Variants in KHDRBS2 observed in about 807,000 individuals in gnomAD.
The protein encoded by KHDRBS2 is KH domain-containing, RNA-binding, signal transduction-associated protein 2.
KHDRBS2 carries 26 observed loss-of-function variants against 44.3 expected under a neutral mutation model. That is an observed-to-expected ratio of 0.59 (90% confidence interval 0.43 to 0.81). The LOEUF (loss-of-function observed/expected upper bound fraction) is 0.81. KHDRBS2 is among the 40% of genes least tolerant of loss of function. The pLI is 0.00. For missense variants in KHDRBS2, 476 were observed against 433.1 expected, an observed-to-expected ratio of 1.10 and a Z score of -0.88; for synonymous variants, 194 against 151.1, an observed-to-expected ratio of 1.28 and a Z score of -2.08.
intron 1 of KHDRBS2, among the ~76,000 whole-genome samples, chr6:62,267,889 T>C (rs1323237916): frequency 6.6e-6 from 1 of 152,090 alleles, no homozygotes; most frequent in African/African-American, 2.4e-5. Context: ...TTAATGATAA[T>C]AAATTATTGT....
chr6:61,881,698 G>A (rs1271942043), intron 6 of KHDRBS2, among the ~76,000 whole-genome samples: 1 of 151,942 alleles, frequency 6.6e-6, no homozygotes, highest in African/African-American at 2.4e-5. Context: ...GACTTAATTT[G>A]TCTAGTTGGG....
At chr6:62,238,833 A>G (rs1329709257) in intron 1 of KHDRBS2, among the ~76,000 whole-genome samples, 3 of 152,136 alleles carry the variant, frequency 2.0e-5, no homozygotes, top group African/African-American at 7.2e-5. Context: ...CAAGTTAACA[A>G]ACTTAGCTGG....
chr6:61,805,479 T>C (rs1787002218), intron 6 of KHDRBS2, among the ~76,000 whole-genome samples: 1 of 152,176 alleles, frequency 6.6e-6, no homozygotes, highest in Non-Finnish European at 1.5e-5. Flanking sequence ...CACTTCCACA[T>C]TTCCAGATAT....
intron 1 of KHDRBS2, among the ~76,000 whole-genome samples, chr6:62,180,221 T>C (rs1821974163): frequency 6.6e-6 from 1 of 151,760 alleles, no homozygotes; most frequent in South Asian, 2.1e-4. Flanking sequence ...AGGGGAAAAA[T>C]AGGCATCCAA....
At chr6:62,076,555 C>T (rs2127350581) in intron 2 of KHDRBS2, among the ~76,000 whole-genome samples, 1 of 151,998 alleles carries the variant, frequency 6.6e-6, no homozygotes, top group Non-Finnish European at 1.5e-5. Flanking sequence ...ACTGTGAAGC[C>T]TTTTTGTCTA....
At chr6:62,100,392 A>G (rs1801586706) in intron 2 of KHDRBS2, among the ~76,000 whole-genome samples, 1 of 152,250 alleles carries the variant, frequency 6.6e-6, no homozygotes. Context: ...ACATAAATTT[A>G]GTTGATAAAG....
At chr6:61,769,075 G>A (rs1225421049) in intron 6 of KHDRBS2, among the ~76,000 whole-genome samples, 1 of 152,142 alleles carries the variant, frequency 6.6e-6, no homozygotes, top group Admixed American at 6.5e-5. Context: ...CAGATAAAGA[G>A]AATGGTCTTT....
intron 6 of KHDRBS2, among the ~76,000 whole-genome samples, chr6:61,856,108 T>C (rs1038805265): frequency 4.6e-5 from 7 of 152,164 alleles, no homozygotes; most frequent in Admixed American, 6.6e-5. Flanking sequence ...ATAGTTTTCA[T>C]ACAGTGTTTT....
intron 4 of KHDRBS2, among the ~76,000 whole-genome samples, chr6:61,909,328 C>A (rs1805631105): frequency 6.6e-6 from 1 of 152,106 alleles, no homozygotes. Flanking sequence ...CTCAGCCTCC[C>A]AAAATGCTGG....
At chr6:61,594,492 T>C in the KHDRBS2 span, among the ~76,000 whole-genome samples, 1 of 152,064 alleles carries the variant, frequency 6.6e-6, no homozygotes, top group East Asian at 1.9e-4. Context: ...AAAAAGTTTT[T>C]AGGAAAAAAA....
intron 6 of KHDRBS2, among the ~76,000 whole-genome samples, chr6:61,791,759 G>T (rs1784671297): frequency 6.6e-6 from 1 of 150,980 alleles, no homozygotes; most frequent in South Asian, 2.1e-4. Flanking sequence ...GGCTTTTTTT[G>T]GCCTTACTCT....
At chr6:61,944,826 C>A (rs550366249) in intron 4 of KHDRBS2, among the ~76,000 whole-genome samples, 1 of 151,818 alleles carries the variant, frequency 6.6e-6, no homozygotes, top group Admixed American at 6.6e-5. Flanking sequence ...AGCAGTGGCT[C>A]ACGCCTGAAA....
At chr6:62,035,718 T>C (rs1168059982) in intron 3 of KHDRBS2, among the ~76,000 whole-genome samples, 1 of 152,000 alleles carries the variant, frequency 6.6e-6, no homozygotes, top group African/African-American at 2.4e-5. Flanking sequence ...GATGTGATTA[T>C]TACACATTGC....
chr6:62,093,453 C>T (rs530272947), intron 2 of KHDRBS2, among the ~76,000 whole-genome samples: 1 of 151,888 alleles, frequency 6.6e-6, no homozygotes, highest in South Asian at 2.1e-4. Context: ...ATTAGCATGT[C>T]CATCACCTTA....
At chr6:62,280,317 T>C (rs554152513) in intron 1 of KHDRBS2, among the ~76,000 whole-genome samples, 6 of 152,044 alleles carry the variant, frequency 3.9e-5, no homozygotes, top group South Asian at 2.1e-4. Context: ...TGTGACAGCA[T>C]TGTGTGTGTT....
chr6:62,005,436 T>C (rs556807915), intron 3 of KHDRBS2, among the ~76,000 whole-genome samples: 3 of 152,082 alleles, frequency 2.0e-5, no homozygotes, highest in South Asian at 4.1e-4. Context: ...AATCAAATTA[T>C]TTAAATATGC....
chr6:62,267,931 G>A lies in KHDRBS2; in HGVS notation c.91+17927C>T, dbSNP rs191894411. Among the ~76,000 whole-genome samples, 183 of 151,980 alleles carry A rather than the reference G, an allele frequency of 1.2e-3. 3 individuals carry two copies. Among genetic ancestry groups the A allele is most frequent in the African/African-American group, 3.7e-3 (152 of 41,480 alleles). The stretch of plus-strand genomic sequence containing the variant: ...CTATGAAATTGTAAAAACATAAGAC[G>A]AAATCGATATTTATATGTTATCTAG... On this transcript the variant is annotated intron_variant, in intron 1 of 8. Coordinates refer to ENST00000281156, the MANE Select transcript of KHDRBS2 (RefSeq NM_152688.4).
chr6:61,924,946 A>C (rs1488734184), intron 4 of KHDRBS2, among the ~76,000 whole-genome samples: 1 of 152,156 alleles, frequency 6.6e-6, no homozygotes, highest in Non-Finnish European at 1.5e-5. Context: ...GTGGTCGGAC[A>C]TTCATAGGTT....
intron 6 of KHDRBS2, among the ~76,000 whole-genome samples, chr6:61,788,279 T>C (rs1187911767): frequency 3.3e-5 from 5 of 151,442 alleles, no homozygotes; most frequent in African/African-American, 1.2e-4. Flanking sequence ...GGAAGAAAAA[T>C]TACTGAAGAC....
Sources: allele counts gnomAD v4.1 joint callset (sites outside exome capture counted in the v4.1 genomes callset), GRCh38; gene constraint gnomAD v4.1.1; transcripts MANE v1.5; gene names NCBI Gene and HGNC (gene_info 2026-07-23, HGNC 2026-07-21).